The following CAST variants were observed in gnomAD, a reference collection of about 807,000 sequenced individuals.
CAST encodes calpastatin.
A neutral mutation model predicts 119.6 loss-of-function variants in CAST; 76 were observed. The observed-to-expected ratio is 0.64, with a 90% CI of 0.53 to 0.77. The LOEUF (loss-of-function observed/expected upper bound fraction) is 0.77. Among genes scored for constraint, CAST ranks in the 30% least tolerant of loss-of-function variants. The probability of loss-of-function intolerance (pLI) is 0.00; values close to 1 mark genes in which losing one functional copy is unlikely to be tolerated. For missense variants in CAST, 953 were observed against 946.5 expected (o/e 1.01, Z -0.09); for synonymous variants, 319 against 331.6 (o/e 0.96, Z 0.41).
chr5:96,621,092 C>A (rs1747595177), intron 1 of CAST, among the ~76,000 whole-genome samples: 1 of 152,194 alleles, frequency 6.6e-6, no homozygotes, highest in African/African-American at 2.4e-5. Context: ...TCTTCTACCT[C>A]AAAATTTGCC....
At chr5:96,022,143 TTTATA>T in the CAST span, among the ~76,000 whole-genome samples, 1 of 152,200 alleles carries the variant, frequency 6.6e-6, no homozygotes, top group African/African-American at 2.4e-5. Context: ...ACTGTGCCAT[TTTATA>T]TAAAGGGCTT....
the CAST span, among the ~76,000 whole-genome samples, chr5:96,334,252 AG>A: frequency 2.6e-5 from 4 of 152,222 alleles, no homozygotes; most frequent in East Asian, 7.7e-4. Context: ...GCATCCTTGG[AG>A]GATTGCTCAG....
the CAST span, among the ~76,000 whole-genome samples, chr5:95,978,146 T>G: frequency 5.3e-5 from 8 of 152,186 alleles, no homozygotes; most frequent in Non-Finnish European, 7.4e-5. Context: ...TGATTTATAT[T>G]TTTTTGGGTA....
At chr5:96,418,604 T>C in the CAST span, among the ~76,000 whole-genome samples, 1 of 152,212 alleles carries the variant, frequency 6.6e-6, no homozygotes, top group Admixed American at 6.5e-5. Context: ...GCAATACTGA[T>C]AGTTTGAAGA....
chr5:96,006,394 A>G, the CAST span, among the ~76,000 whole-genome samples: 2 of 150,986 alleles, frequency 1.3e-5, no homozygotes, highest in East Asian at 3.9e-4. Context: ...AAAAAAAATC[A>G]TAATGTTTTA....
At chr5:96,502,285 C>A in the CAST span, among the ~76,000 whole-genome samples, 93 of 152,194 alleles carry the variant, frequency 6.1e-4, 1 homozygote, top group South Asian at 2.7e-3. Context: ...AATATCTTGA[C>A]GTGTATTGTC....
chr5:96,022,425 ATAT>A, the CAST span, among the ~76,000 whole-genome samples: 3 of 152,232 alleles, frequency 2.0e-5, no homozygotes, highest in African/African-American at 4.8e-5. Flanking sequence ...AAGTAAAAAA[ATAT>A]TATAGTAAAA....
the CAST span, among the ~76,000 whole-genome samples, chr5:96,042,237 A>G: frequency 1.4e-4 from 22 of 152,186 alleles, no homozygotes; most frequent in Non-Finnish European, 2.8e-4. Flanking sequence ...CCCTGTTTGG[A>G]AGAGCTCTAC....
At chr5:96,338,753 G>A in the CAST span, among the ~76,000 whole-genome samples, 13 of 152,172 alleles carry the variant, frequency 8.5e-5, no homozygotes, top group Admixed American at 2.0e-4. Context: ...TGGAAATGCC[G>A]CAGAACATCC....
the CAST span, among the ~76,000 whole-genome samples, chr5:96,472,870 G>A: frequency 6.6e-6 from 1 of 152,188 alleles, no homozygotes; most frequent in South Asian, 2.1e-4. Context: ...TGGTTCTTGA[G>A]GCTAGAAGTC....
At chr5:96,555,349 A>T (rs907149135) in intron 1 of CAST, among the ~76,000 whole-genome samples, 1 of 152,218 alleles carries the variant, frequency 6.6e-6, no homozygotes, top group Non-Finnish European at 1.5e-5. Context: ...GTACGTGTTC[A>T]TCTCACTGGG....
the CAST span, among the ~76,000 whole-genome samples, chr5:96,043,540 A>G: frequency 6.6e-6 from 1 of 152,162 alleles, no homozygotes; most frequent in Non-Finnish European, 1.5e-5. Flanking sequence ...ATCATGAGGA[A>G]CTCAAAGTTT....
the CAST span, among the ~76,000 whole-genome samples, chr5:96,467,583 A>G: frequency 6.6e-6 from 1 of 151,992 alleles, no homozygotes. Flanking sequence ...CCATCCATCC[A>G]ATTGCAGCAT....
chr5:96,465,645 G>T, the CAST span, among the ~76,000 whole-genome samples: 1 of 152,050 alleles, frequency 6.6e-6, no homozygotes, highest in African/African-American at 2.4e-5. Flanking sequence ...TTAAACATTT[G>T]TCTTTTCTAC....
the CAST span, among the ~76,000 whole-genome samples, chr5:96,350,589 G>A: frequency 1.3e-5 from 2 of 151,942 alleles, no homozygotes; most frequent in African/African-American, 4.8e-5. Flanking sequence ...TTTCTTTGTG[G>A]CTATCTTATT....
the CAST span, chr5:96,421,756 A>G: frequency 4.0e-6 from 3 of 743,978 alleles, no homozygotes; most frequent in Non-Finnish European, 7.4e-6. Flanking sequence ...ATATTGTGGT[A>G]TGGATGTTGT....
the CAST span, among the ~76,000 whole-genome samples, chr5:96,288,764 C>T: frequency 6.6e-6 from 1 of 152,080 alleles, no homozygotes; most frequent in African/African-American, 2.4e-5. Context: ...AATCCTTAGG[C>T]CTCAGTTCCT....
the CAST span, among the ~76,000 whole-genome samples, chr5:96,448,364 TGAA>T: frequency 3.3e-5 from 5 of 152,386 alleles, no homozygotes; most frequent in Admixed American, 6.5e-5. Context: ...CTCTGGCATT[TGAA>T]GACCATCCTG....
chr5:96,144,498 A>G, the CAST span, among the ~76,000 whole-genome samples: 3 of 152,164 alleles, frequency 2.0e-5, no homozygotes, highest in African/African-American at 4.8e-5. Context: ...TTGTATCCCA[A>G]TTGCTTTTAG....
Sources: allele counts gnomAD v4.1 joint callset (sites outside exome capture counted in the v4.1 genomes callset), GRCh38; gene constraint gnomAD v4.1.1; transcripts MANE v1.5; gene names NCBI Gene and HGNC (gene_info 2026-07-23, HGNC 2026-07-21).